The following CLUAP1 variants were observed in gnomAD, a reference collection of about 807,000 sequenced individuals.
CLUAP1 encodes the protein intraflagellar transport 38.
A neutral mutation model predicts 55.0 loss-of-function variants in CLUAP1; 50 were observed. The observed-to-expected ratio is 0.91, with a 90% confidence interval of 0.72 to 1.15. CLUAP1 has a LOEUF of 1.15. Among genes scored for constraint, CLUAP1 ranks in the 50% most tolerant of loss-of-function variants. The pLI is 0.00. For synonymous variants in CLUAP1, 195 were observed against 175.4 expected (o/e 1.11, Z -0.88); for missense variants, 530 against 507.6 (o/e 1.04, Z -0.42).
At position 3,515,519 on chromosome 16, in the gene CLUAP1, A is replaced by G; in HGVS notation, c.507A>G (p.Thr169=). Residue 169 remains threonine (T), a synonymous_variant, in exon 6 of 12, where the codon ACA becomes ACG. Transcript: ENST00000576634. ...TTACTGTTTCCTAGGAAATGAGAACAGAAGCCATTGCCAGACCTCTGGAAA... is the reference window on the plus strand; with the variant it reads ...TTACTGTTTCCTAGGAAATGAGAACGGAAGCCATTGCCAGACCTCTGGAAA... The part of the protein sequence containing the change: ...GMEVELREMR[T]EAIARPLEIN... 1 of 1,594,938 alleles carries G rather than the reference A, an allele frequency of 6.3e-7. No individual in the cohort carries two copies. The highest frequency in any genetic ancestry group is 8.5e-7 in the Non-Finnish European group (1 of 1,173,524).
intron 7 of CLUAP1, among the ~76,000 whole-genome samples, chr16:3,521,570 G>A (rs1171820817): frequency 6.6e-6 from 1 of 151,898 alleles, no homozygotes; most frequent in Non-Finnish European, 1.5e-5. Context: ...AAGTAGCTGG[G>A]ATTACAGGCG....
intron 6 of CLUAP1, among the ~76,000 whole-genome samples, chr16:3,518,137 C>T (rs1289849167): frequency 6.6e-6 from 1 of 152,158 alleles, no homozygotes; most frequent in African/African-American, 2.4e-5. Context: ...CAGCAACTTA[C>T]TGTCACCTAG....
intron 2 of CLUAP1, among the ~76,000 whole-genome samples, chr16:3,505,643 CAGT>C (rs767884555): frequency 1.3e-4 from 20 of 151,952 alleles, no homozygotes; most frequent in Admixed American, 2.0e-4. Flanking sequence ...GACTATTCCT[CAGT>C]AGGATGCTGG....
At chr16:3,533,317 T>TA (rs1294957746) in intron 11 of CLUAP1, 1 of 626,902 alleles carries the variant, frequency 1.6e-6, no homozygotes, top group African/African-American at 1.8e-5. Context: ...GCCCCTGTGC[T>TA]AAAGTGGAGG....
chr16:3,529,720 A>AT (rs2038058772), intron 9 of CLUAP1, among the ~76,000 whole-genome samples: 1 of 37,246 alleles, frequency 2.7e-5, no homozygotes, highest in African/African-American at 1.5e-4. Flanking sequence ...ATATAATATT[A>AT]TATATTATAT....
At chr16:3,504,634 A>G in intron 1 of CLUAP1, 86 bp from the exon 2 acceptor site, 1 of 809,636 alleles carries the variant, frequency 1.2e-6, no homozygotes. Flanking sequence ...GTTGGAAATA[A>G]GAAGGAAAAG....
intron 9 of CLUAP1, among the ~76,000 whole-genome samples, chr16:3,528,318 T>A (rs1280228855): frequency 6.6e-6 from 1 of 152,042 alleles, no homozygotes; most frequent in Admixed American, 6.5e-5. Context: ...ACACACACTC[T>A]CTCTCTCTCT....
intron 9 of CLUAP1, among the ~76,000 whole-genome samples, chr16:3,529,684 T>TTATA (rs1491541227): frequency 2.9e-4 from 2 of 6,940 alleles, no homozygotes; most frequent in African/African-American, 1.2e-3. Context: ...ATATTATATA[T>TTATA]TATTATATAT....
chr16:3,496,608 G>A (rs1054592712), upstream of CLUAP1: 3 of 530,798 alleles, frequency 5.7e-6, no homozygotes, highest in Non-Finnish European at 1.1e-5. Context: ...AAGGACGGCG[G>A]CCCCGTCCTA....
At chr16:3,495,511 C>G in the CLUAP1 span, 17 of 1,548,960 alleles carry the variant, frequency 1.1e-5, no homozygotes, top group South Asian at 1.9e-4. Flanking sequence ...TGGCAGGTCT[C>G]CCCTGGCAAC....
intron 7 of CLUAP1, among the ~76,000 whole-genome samples, chr16:3,521,619 G>A (rs935623075): frequency 6.6e-6 from 1 of 152,036 alleles, no homozygotes; most frequent in Non-Finnish European, 1.5e-5. Context: ...ATTTTTAGTA[G>A]AGACGGAGTT....
At chr16:3,496,495 A>G (rs1467588499), upstream of CLUAP1, 2 of 665,376 alleles carry the variant, frequency 3.0e-6, no homozygotes, top group South Asian at 1.4e-5. Flanking sequence ...GAGGTGCCCA[A>G]ACTTAAGGTG....
At chr16:3,531,583 T>A (rs1003636793) in intron 10 of CLUAP1, among the ~76,000 whole-genome samples, 4 of 151,986 alleles carry the variant, frequency 2.6e-5, no homozygotes, top group Non-Finnish European at 5.9e-5. Flanking sequence ...AGAGCAAATG[T>A]GAATTCTCTC....
chr16:3,515,425 A>G (rs1596391235), intron 5 of CLUAP1, 83 bp from the exon 6 acceptor site: 3 of 954,820 alleles, frequency 3.1e-6, no homozygotes, highest in East Asian at 2.6e-5. Context: ...GAATCAGTCT[A>G]TAAGGCACAT....
rs2037648955 is a variant in CLUAP1 at position 3,512,496 on chromosome 16, T to G, written c.495+18T>G. 1 of 1,564,678 alleles carries G rather than the reference T, an allele frequency of 6.4e-7. No homozygotes were observed. The highest frequency in any genetic ancestry group is 1.1e-5 in the South Asian group (1 of 89,686). ...AGTTGAGGGTAAGCATTCCAGTACT[T>G]CCTTAACCATGCAGATTTTCTCTTC... On this transcript the variant is annotated intron_variant, in intron 5 of 11. Coordinates refer to ENST00000576634, the MANE Select transcript of CLUAP1 (RefSeq NM_015041.3).
chr16:3,511,929 G>A (rs1567427485), intron 4 of CLUAP1, among the ~76,000 whole-genome samples: 1 of 151,922 alleles, frequency 6.6e-6, no homozygotes, highest in Non-Finnish European at 1.5e-5. Context: ...GCTCACGCCT[G>A]TGATCCCAGC....
At chr16:3,532,403 CTTTTTTTTTTT>C (rs58037008) in intron 10 of CLUAP1, among the ~76,000 whole-genome samples, 20 of 50,732 alleles carry the variant, frequency 3.9e-4, no homozygotes, top group South Asian at 1.8e-3. Flanking sequence ...AGCACAGTTG[CTTTTTTTTTTT>C]TTTTTTTTTT....
chr16:3,520,144 G>C lies in CLUAP1; in HGVS notation c.713+108G>C, dbSNP rs184696148. 7.9e-4 allele frequency: 905 copies of C among 1,147,884 alleles called. 2 individuals carry two copies. Among genetic ancestry groups the C allele is most frequent in the Admixed American group, 1.1e-3 (44 of 41,214 alleles). 71.1% of individuals were successfully genotyped at this position (1,147,884 alleles called of 1,614,324 possible). A position where few individuals can be genotyped will look rare whatever the true frequency, so the allele number is the denominator to read the frequency against. ...TCTCAGCTACTCATGAAGCTGGGGC[G>C]GGGGGTTCTCTTGAGCCCAGGAGTT... On this transcript the variant is annotated intron_variant, in intron 7 of 11. Coordinates refer to ENST00000576634, the MANE Select transcript of CLUAP1 (RefSeq NM_015041.3).
intron 4 of CLUAP1, among the ~76,000 whole-genome samples, 197 bp from the exon 5 acceptor site, chr16:3,512,186 C>CAA (rs1210287851): frequency 5.0e-5 from 4 of 79,870 alleles, no homozygotes; most frequent in Admixed American, 1.4e-4. Flanking sequence ...AACTCCGTCT[C>CAA]AAAAAAAAAA....
Sources: gnomAD v4.1 joint callset for allele counts (sites outside exome capture counted in the v4.1 genomes callset) on GRCh38, gnomAD v4.1.1 for gene constraint, MANE v1.5 for transcripts, NCBI Gene and HGNC (gene_info 2026-07-23, HGNC 2026-07-21) for gene names.